KATNAL2: variants seen among roughly 807,000 people sequenced by gnomAD.
KATNAL2 encodes the protein katanin p60 ATPase-containing subunit A-like 2.
In KATNAL2, 52 loss-of-function variants were observed where a neutral mutation model predicts 76.3. The ratio of observed to expected loss-of-function variants is 0.68; its 90% CI spans 0.55 to 0.86. KATNAL2 has a LOEUF of 0.86. Among genes scored for constraint, KATNAL2 ranks in the 40% least tolerant of loss-of-function variants. The pLI is 0.00. For missense variants in KATNAL2, 660 were observed against 668.9 expected (o/e 0.99, Z 0.15); for synonymous variants, 243 against 244.2 (o/e 1.00, Z 0.05).
intron 1 of KATNAL2, among the ~76,000 whole-genome samples, chr18:46,941,772 ACT>A (rs2059253315): frequency 6.6e-6 from 1 of 152,192 alleles, no homozygotes; most frequent in Non-Finnish European, 1.5e-5. Context: ...TTGTTTTCCA[ACT>A]GTTACACATA....
At chr18:47,098,284 G>T in intron 15 of KATNAL2, 1 of 295,916 alleles carries the variant, frequency 3.4e-6, no homozygotes, top group Non-Finnish European at 6.8e-6. Flanking sequence ...CCAAGACTGG[G>T]AAGAAAAAAA....
intron 3 of KATNAL2, among the ~76,000 whole-genome samples, chr18:47,042,730 C>CGG (rs2061004098): frequency 6.6e-6 from 1 of 152,056 alleles, no homozygotes; most frequent in South Asian, 2.1e-4. Flanking sequence ...CTTTAAAAAT[C>CGG]AGTTCAGGAT....
chr18:47,050,826 C>T (rs776339245), intron 4 of KATNAL2, among the ~76,000 whole-genome samples: 2 of 152,162 alleles, frequency 1.3e-5, no homozygotes, highest in African/African-American at 4.8e-5. Flanking sequence ...GTGAGCTGGA[C>T]TTAAAAGATG....
chr18:46,943,192 GA>G (rs1348896937), intron 1 of KATNAL2, among the ~76,000 whole-genome samples: 2 of 152,086 alleles, frequency 1.3e-5, no homozygotes, highest in Non-Finnish European at 2.9e-5. Flanking sequence ...TCCATCCAAA[GA>G]CCCAAGGAGA....
intron 15 of KATNAL2, among the ~76,000 whole-genome samples, chr18:47,083,949 G>C (rs1307341971): frequency 2.0e-5 from 3 of 152,112 alleles, no homozygotes; most frequent in African/African-American, 4.8e-5. Flanking sequence ...GTTTGTAAAA[G>C]GGCTAGAAAT....
chr18:46,943,007 G>T (rs901009663), intron 1 of KATNAL2, among the ~76,000 whole-genome samples: 1 of 152,036 alleles, frequency 6.6e-6, no homozygotes, highest in Non-Finnish European at 1.5e-5. Flanking sequence ...ACCTTGTCAG[G>T]GTTTCGCCAA....
intron 7 of KATNAL2, among the ~76,000 whole-genome samples, chr18:47,058,951 C>A (rs2061549552): frequency 1.3e-5 from 2 of 152,048 alleles, no homozygotes; most frequent in South Asian, 4.1e-4. Flanking sequence ...AGGCTCATGT[C>A]CAGAACCTTC....
chr18:47,063,354 T>C lies in KATNAL2; in HGVS notation c.719T>C (p.Val240Ala). Residue 240 changes from valine (V) to alanine (A), a missense_variant, in exon 10 of 18, where the codon GTG becomes GCG. Physicochemically the swap from Val to Ala is moderately conservative, Grantham distance 64. Transcript: ENST00000683218. ...GAGATGCGAGAATTGGCAGCCGTGGTGAGCCGGGTAAGATCTGATATTCAA... is the reference window on the plus strand; with the variant it reads ...GAGATGCGAGAATTGGCAGCCGTGGCGAGCCGGGTAAGATCTGATATTCAA... Reference protein sequence around the residue: ...NSEMRELAAVVSRDIYLHNPN... With the variant: ...NSEMRELAAVASRDIYLHNPN... 2.5e-6 allele frequency: 4 copies of C among 1,613,848 alleles called. No individual in the cohort carries two copies. The highest frequency in any genetic ancestry group is 3.4e-6 in the Non-Finnish European group (4 of 1,179,804).
chr18:47,043,352 A>G (rs181733074), intron 3 of KATNAL2, among the ~76,000 whole-genome samples: 312 of 152,308 alleles, frequency 2.0e-3, no homozygotes, highest in African/African-American at 7.0e-3. Flanking sequence ...AAAGTAGAAT[A>G]AAGACACTTT....
intron 3 of KATNAL2, among the ~76,000 whole-genome samples, chr18:47,045,511 T>C (rs1484073113): frequency 2.0e-5 from 3 of 152,020 alleles, no homozygotes; most frequent in Admixed American, 6.6e-5. Flanking sequence ...TTTGTAGAGA[T>C]GGGGTTTTCC....
intron 4 of KATNAL2, among the ~76,000 whole-genome samples, chr18:47,049,872 A>G (rs2061286393): frequency 6.6e-6 from 1 of 151,982 alleles, no homozygotes; most frequent in Non-Finnish European, 1.5e-5. Context: ...ATGCCACGAC[A>G]CTGTTTGTTT....
At chr18:47,058,468 A>G (rs2061534544) in intron 7 of KATNAL2, 116 bp downstream of exon 7, 1 of 629,356 alleles carries the variant, frequency 1.6e-6, no homozygotes, top group Non-Finnish European at 2.8e-6. Context: ...TTGCTGTGTG[A>G]TCTAATTGAA....
At chr18:46,925,362 C>G (rs940812453) in intron 1 of KATNAL2, among the ~76,000 whole-genome samples, 1 of 152,110 alleles carries the variant, frequency 6.6e-6, no homozygotes, top group African/African-American at 2.4e-5. Flanking sequence ...GTCTTTGGTT[C>G]TGTTTATATG....
intron 3 of KATNAL2, among the ~76,000 whole-genome samples, chr18:46,959,827 G>A (rs1003740490): frequency 1.3e-5 from 2 of 152,046 alleles, no homozygotes; most frequent in African/African-American, 2.4e-5. Context: ...TGCCCGCCTC[G>A]GCCTCCCAAA....
Position 47,052,866 on chromosome 18 carries a change from T to G in KATNAL2, c.123-14T>G. The stretch of plus-strand genomic sequence containing the variant: ...CTCAGTTAATTTCTTCTTTTTATTC[T>G]GTGAAACTGCCAGGTATATCGATAC... On this transcript the variant is annotated splice_polypyrimidine_tract_variant and intron_variant, in intron 4 of 17. Coordinates refer to ENST00000683218, the MANE Select transcript of KATNAL2 (RefSeq NM_001387690.1). 6.3e-7 allele frequency: 1 copy of G among 1,575,676 alleles called. No individual in the cohort carries two copies. Among genetic ancestry groups the G allele is most frequent in the Non-Finnish European group, 8.6e-7 (1 of 1,164,630 alleles).
intron 17 of KATNAL2, 29 bp downstream of exon 17, chr18:47,100,385 C>A: frequency 6.4e-7 from 1 of 1,569,046 alleles, no homozygotes; most frequent in South Asian, 1.1e-5. Flanking sequence ...TGAAGGTGTT[C>A]CAGGAATTTG....
At chr18:46,945,945 G>A (rs1191227983) in intron 1 of KATNAL2, 112 bp from the exon 2 acceptor site, 1 of 152,670 alleles carries the variant, frequency 6.6e-6, no homozygotes, top group Non-Finnish European at 1.5e-5. Context: ...TGAGAAATGG[G>A]TGGAAGGTGA....
chr18:46,958,782 AAAAC>A (rs1392906269), intron 3 of KATNAL2, among the ~76,000 whole-genome samples: 1 of 152,232 alleles, frequency 6.6e-6, no homozygotes, highest in African/African-American at 2.4e-5. Context: ...TGCACAATTA[AAAAC>A]AAACAAAAAA....
intron 1 of KATNAL2, among the ~76,000 whole-genome samples, chr18:46,929,099 C>T (rs2058826070): frequency 6.6e-6 from 1 of 151,848 alleles, no homozygotes; most frequent in Non-Finnish European, 1.5e-5. Context: ...CCCGGCTTTG[C>T]TCTGATTTCT....
Sources: gnomAD v4.1 joint callset for allele counts (sites outside exome capture counted in the v4.1 genomes callset) on GRCh38, gnomAD v4.1.1 for gene constraint, MANE v1.5 for transcripts, NCBI Gene and HGNC (gene_info 2026-07-23, HGNC 2026-07-21) for gene names.